SEM1: variants seen among roughly 807,000 people sequenced by gnomAD.
SEM1 encodes SEM1 26S proteasome subunit.
SEM1 carries 3 observed loss-of-function variants against 12.7 expected under a neutral mutation model. The ratio of observed to expected loss-of-function variants is 0.24; its 90% confidence interval spans 0.11 to 0.61. The LOEUF (loss-of-function observed/expected upper bound fraction) is 0.61. Among genes scored for constraint, SEM1 ranks in the 20% least tolerant of loss-of-function variants. SEM1 has a pLI of 0.88. For missense variants in SEM1, 59 were observed against 81.3 expected (o/e 0.73, Z 1.06); for synonymous variants, 30 against 27.8 (o/e 1.08, Z -0.25).
intron 2 of SEM1, among the ~76,000 whole-genome samples, chr7:96,512,708 A>G (rs1413772841): frequency 1.3e-5 from 2 of 152,098 alleles, no homozygotes; most frequent in African/African-American, 4.8e-5. Flanking sequence ...ATACAAAGCC[A>G]TGTGTCTTGT....
At chr7:96,709,639 G>A (rs1337091202) in intron 1 of SEM1, 49 bp downstream of exon 1, 13 of 1,574,854 alleles carry the variant, frequency 8.3e-6, no homozygotes, top group East Asian at 6.8e-5. Context: ...TCCACACGGA[G>A]GCCTGAGTCA....
chr7:96,637,721 G>T (rs1808471975), intron 2 of SEM1, among the ~76,000 whole-genome samples: 1 of 151,964 alleles, frequency 6.6e-6, no homozygotes, highest in Non-Finnish European at 1.5e-5. Context: ...TGACTGTTCT[G>T]CTGCCTGTAA....
chr7:96,667,946 T>C (rs1778661975), intron 2 of SEM1, among the ~76,000 whole-genome samples: 1 of 152,214 alleles, frequency 6.6e-6, no homozygotes, highest in Non-Finnish European at 1.5e-5. Flanking sequence ...TTTGAAGGGA[T>C]CCTTTTTCAC....
intron 2 of SEM1, among the ~76,000 whole-genome samples, chr7:96,542,887 G>C (rs1181536578): frequency 6.6e-6 from 1 of 151,724 alleles, no homozygotes; most frequent in Non-Finnish European, 1.5e-5. Flanking sequence ...ACTGTTATGA[G>C]AGCAAAACAA....
At chr7:96,625,792 G>A (rs1041424962) in intron 2 of SEM1, among the ~76,000 whole-genome samples, 1 of 152,158 alleles carries the variant, frequency 6.6e-6, no homozygotes, top group African/African-American at 2.4e-5. Context: ...TTTACACGTG[G>A]TGTGTAAAAT....
At chr7:96,654,750 C>G (rs955500596) in intron 2 of SEM1, among the ~76,000 whole-genome samples, 3 of 152,150 alleles carry the variant, frequency 2.0e-5, no homozygotes, top group Non-Finnish European at 4.4e-5. Context: ...TTTGTAGGGA[C>G]ACAAGCCCAT....
At chr7:96,515,935 T>A (rs1301654319) in intron 2 of SEM1, among the ~76,000 whole-genome samples, 1 of 151,842 alleles carries the variant, frequency 6.6e-6, no homozygotes, top group Non-Finnish European at 1.5e-5. Flanking sequence ...AAATGATGAG[T>A]TGATGGGTGC....
intron 1 of SEM1, among the ~76,000 whole-genome samples, chr7:96,702,672 G>A (rs1790305352): frequency 6.6e-6 from 1 of 152,124 alleles, no homozygotes; most frequent in Admixed American, 6.5e-5. Flanking sequence ...TATTTACATA[G>A]TTTCAAAGTC....
chr7:96,581,115 A>C (rs1194137067), intron 2 of SEM1, among the ~76,000 whole-genome samples: 1 of 152,148 alleles, frequency 6.6e-6, no homozygotes, highest in Non-Finnish European at 1.5e-5. Flanking sequence ...CTAACGTTTT[A>C]AGTCTTTAAT....
At chr7:96,679,201 A>G (rs990071084) in intron 2 of SEM1, among the ~76,000 whole-genome samples, 1 of 152,108 alleles carries the variant, frequency 6.6e-6, no homozygotes, top group African/African-American at 2.4e-5. Flanking sequence ...ACACATTGTC[A>G]TCTCTGTGGC....
chr7:96,642,330 G>A (rs1808641185), intron 2 of SEM1, among the ~76,000 whole-genome samples: 1 of 151,960 alleles, frequency 6.6e-6, no homozygotes, highest in African/African-American at 2.4e-5. Flanking sequence ...AAATTTTCAG[G>A]TTGTAATTAT....
At chr7:96,595,982 C>CATAG (rs1233170691) in intron 2 of SEM1, among the ~76,000 whole-genome samples, 3 of 152,158 alleles carry the variant, frequency 2.0e-5, no homozygotes, top group Admixed American at 2.0e-4. Context: ...CCTTTGCAGG[C>CATAG]ATAGGGTGGA....
chr7:96,650,350 AG>A, intron 2 of SEM1: 1 of 542,360 alleles, frequency 1.8e-6, no homozygotes, highest in East Asian at 3.1e-5. Context: ...TGAGTTGATG[AG>A]AAGACAGGAT....
intron 2 of SEM1, among the ~76,000 whole-genome samples, chr7:96,665,077 C>A (rs1027140792): frequency 2.0e-5 from 3 of 152,146 alleles, no homozygotes; most frequent in African/African-American, 7.2e-5. Context: ...GATCTCAGTT[C>A]TGAACTCTCA....
chr7:96,590,800 T>G (rs992523049), intron 2 of SEM1, among the ~76,000 whole-genome samples: 2 of 152,190 alleles, frequency 1.3e-5, no homozygotes, highest in African/African-American at 4.8e-5. Context: ...AGTGTGGCTA[T>G]GCCAAAATCA....
At chr7:96,506,835 T>C (rs1439619710) in intron 2 of SEM1, 1 of 152,068 alleles carries the variant, frequency 6.6e-6, no homozygotes, top group African/African-American at 2.4e-5. Context: ...GAAAGATATA[T>C]ATGGAATAAA....
intron 2 of SEM1, among the ~76,000 whole-genome samples, chr7:96,638,557 A>G (rs1222257906): frequency 6.6e-6 from 1 of 151,988 alleles, no homozygotes; most frequent in Admixed American, 6.6e-5. Flanking sequence ...CCCATTTATT[A>G]TTAACTTTGA....
At chr7:96,522,891 C>A (rs1292811479) in intron 2 of SEM1, among the ~76,000 whole-genome samples, 308 of 87,330 alleles carry the variant, frequency 3.5e-3, no homozygotes, top group Middle Eastern at 6.0e-3. Context: ...AACTCCATCT[C>A]AAAAAAAAAA....
chr7:96,671,877 A>C (rs762581490), downstream of SEM1, among the ~76,000 whole-genome samples: 2 of 152,054 alleles, frequency 1.3e-5, no homozygotes, highest in African/African-American at 4.8e-5. Flanking sequence ...TTAGATTCAC[A>C]GTGTAAACAG....
Sources: gnomAD v4.1 joint callset for allele counts (sites outside exome capture counted in the v4.1 genomes callset) on GRCh38, gnomAD v4.1.1 for gene constraint, MANE v1.5 for transcripts, NCBI Gene and HGNC (gene_info 2026-07-23, HGNC 2026-07-21) for gene names.